The following RCOR3 variants were observed in gnomAD, a reference collection of about 807,000 sequenced individuals.
The protein encoded by RCOR3 is REST corepressor 3.
RCOR3 carries 13 observed loss-of-function variants against 64.1 expected under a neutral mutation model. The ratio of observed to expected loss-of-function variants is 0.20; its 90% confidence interval spans 0.13 to 0.32. RCOR3 has a LOEUF of 0.32. Ranked by LOEUF, RCOR3 falls within the 10% of genes least tolerant of loss-of-function variation. RCOR3 has a pLI of 1.00. For missense variants in RCOR3, 489 were observed against 701.2 expected (o/e 0.70, Z 3.42); for synonymous variants, 215 against 239.0 (o/e 0.90, Z 0.93).
intron 1 of RCOR3, 156 bp from the exon 2 acceptor site, chr1:211,259,946 CAATCCG>C: frequency 7.3e-7 from 1 of 1,375,020 alleles, no homozygotes; most frequent in Non-Finnish European, 9.4e-7. Flanking sequence ...TCCCCGCCCC[CAATCCG>C]CTGCCATCTC....
Position 211,276,375 on chromosome 1 carries a change from C to A in RCOR3, c.473C>A (p.Ala158Asp), listed in dbSNP as rs144354541. Residue 158 changes from alanine (A) to aspartate (D), a missense_variant, in exon 5 of 12, where the codon GCC (alanine) becomes GAC (aspartate). By Grantham distance (126) the Ala-to-Asp change is moderately radical. Transcript: ENST00000419091. ...GAAGATAAAGTCCTATTTGAACAAGCCTTTAGTTTTCATGGAAAGAGCTTT... is the reference window on the plus strand; with the variant it reads ...GAAGATAAAGTCCTATTTGAACAAGACTTTAGTTTTCATGGAAAGAGCTTT... Reference protein sequence around the residue: ...TVEDKVLFEQAFSFHGKSFHR... With the variant: ...TVEDKVLFEQDFSFHGKSFHR... 1.2e-6 allele frequency: 2 copies of A among 1,613,354 alleles called. No homozygotes were observed. Among genetic ancestry groups the A allele is most frequent in the Non-Finnish European group, 1.7e-6 (2 of 1,179,558 alleles).
At chr1:211,259,962 C>T (rs1436970859) in intron 1 of RCOR3, 146 bp from the exon 2 acceptor site, 257 of 1,197,428 alleles carry the variant, frequency 2.1e-4, no homozygotes, top group Non-Finnish European at 2.1e-4. Context: ...GCTGCCATCT[C>T]CCGGAGTGCC....
At chr1:211,266,322 T>C (rs1289920595) in intron 2 of RCOR3, among the ~76,000 whole-genome samples, 1 of 152,176 alleles carries the variant, frequency 6.6e-6, no homozygotes, top group African/African-American at 2.4e-5. Context: ...ATTTTTAATG[T>C]CTAGATTTTT....
intron 3 of RCOR3, among the ~76,000 whole-genome samples, chr1:211,272,698 TGCAAGCTCC>T (rs1424984217): frequency 2.4e-5 from 3 of 126,838 alleles, no homozygotes; most frequent in Admixed American, 1.8e-4. Flanking sequence ...CTCGGCTCAC[TGCAAGCTCC>T]GCCTCCCGGG....
chr1:211,289,481 T>TG (rs1334559438), intron 8 of RCOR3, 85 bp downstream of exon 8: 1 of 1,117,186 alleles, frequency 9.0e-7, no homozygotes, highest in Non-Finnish European at 1.3e-6. Flanking sequence ...GCTCAGTTGT[T>TG]TGCAGATTTT....
At chr1:211,310,981 A>G (rs1444177371) in intron 10 of RCOR3, among the ~76,000 whole-genome samples, 1 of 152,204 alleles carries the variant, frequency 6.6e-6, no homozygotes, top group Non-Finnish European at 1.5e-5. Context: ...ATTAGTAGTT[A>G]TTCTTCACTG....
At chr1:211,289,780 C>T (rs1000041038) in intron 8 of RCOR3, among the ~76,000 whole-genome samples, 1 of 152,072 alleles carries the variant, frequency 6.6e-6, no homozygotes, top group African/African-American at 2.4e-5. Flanking sequence ...TTGTCTTCAT[C>T]ATCATCATCA....
chr1:211,308,491 G>C (rs1701090560), intron 10 of RCOR3, among the ~76,000 whole-genome samples: 1 of 151,974 alleles, frequency 6.6e-6, no homozygotes, highest in African/African-American at 2.4e-5. Context: ...GGAGTTTCTA[G>C]ATGTTATTGT....
In RCOR3 at chr1:211,313,666, G is replaced by A; in HGVS notation, c.1560G>A (p.Met520Ile). 2 of 1,614,132 alleles carry A rather than the reference G, an allele frequency of 1.2e-6. No homozygotes were observed. The highest frequency in any genetic ancestry group is 1.7e-6 in the Non-Finnish European group (2 of 1,180,034). Residue 520 changes from methionine (M) to isoleucine (I), a missense_variant, in exon 12 of 12, where the codon ATG (methionine) becomes ATA (isoleucine). By Grantham distance (10) the Met-to-Ile change is conservative. Transcript: ENST00000419091. The surrounding 1 kb of genome is among the most constrained non-coding windows in gnomAD (Gnocchi z 4.7). ...PPPLIRPANS[M>I]PPRLNPRPVL... ...CTCTTATTCGCCCTGCTAATTCCAT[G>A]CCACCCCGTCTAAACCCAAGACCGG... is the stretch of plus-strand genomic sequence containing the variant.
At chr1:211,275,715 AT>A (rs2102494032) in intron 4 of RCOR3, among the ~76,000 whole-genome samples, 1 of 152,308 alleles carries the variant, frequency 6.6e-6, no homozygotes, top group East Asian at 1.9e-4. Context: ...ATATGTTCTG[AT>A]AATAAGTAAA....
At position 211,259,377 on chromosome 1, in the gene RCOR3, G is replaced by A; in HGVS notation, c.-184G>A. ...CGGGGCCGGGGCGGGTTGTTGTGAG[G>A]CGACTGCGCTACTGCCGGAGCGGGG... On this transcript the variant is annotated 5_prime_UTR_variant, in exon 1 of 12. Coordinates refer to ENST00000419091, the MANE Select transcript of RCOR3 (RefSeq NM_001136223.3). 1 of 565,364 alleles carries A rather than the reference G, an allele frequency of 1.8e-6. No homozygotes were observed. The highest frequency in any genetic ancestry group is 3.1e-6 in the Non-Finnish European group (1 of 327,172). 35.0% of individuals were successfully genotyped at this position (565,364 alleles called of 1,614,324 possible). A position where few individuals can be genotyped will look rare whatever the true frequency, so the allele number is the denominator to read the frequency against.
At chr1:211,278,383 C>T in intron 6 of RCOR3, 142 bp downstream of exon 6, 2 of 951,158 alleles carry the variant, frequency 2.1e-6, no homozygotes, top group Non-Finnish European at 3.1e-6. Flanking sequence ...ACAAGAAGAG[C>T]CAAGTGGTTA....
At chr1:211,298,398 A>G (rs961179181) in intron 9 of RCOR3, among the ~76,000 whole-genome samples, 1 of 152,330 alleles carries the variant, frequency 6.6e-6, no homozygotes, top group Non-Finnish European at 1.5e-5. Flanking sequence ...AATAATAGCA[A>G]TGGTTTAGTG....
chr1:211,314,123 G>T lies in RCOR3; in HGVS notation c.*355G>T. 5.4e-6 allele frequency: 1 copy of T among 185,958 alleles called. No homozygotes were observed. The highest frequency in any genetic ancestry group is 5.5e-5 in the Admixed American group (1 of 18,144). The allele number at this position is 185,958 out of a possible 1,614,324, so 11.5% of individuals were successfully genotyped here. The stretch of plus-strand genomic sequence containing the variant: ...TATATTCCTGCCTCTTCATAGTCAA[G>T]GCTCTTAGTACAGGAATATTGACTT... On this transcript the variant is annotated 3_prime_UTR_variant, in exon 12 of 12. Coordinates refer to ENST00000419091, the MANE Select transcript of RCOR3 (RefSeq NM_001136223.3).
At chr1:211,289,435 TTTTGGC>T in intron 8 of RCOR3, 39 bp downstream of exon 8, 1 of 1,511,570 alleles carries the variant, frequency 6.6e-7, no homozygotes, top group Non-Finnish European at 9.0e-7. Flanking sequence ...ATTCTGTGCA[TTTTGGC>T]TATCCGCTTT....
Position 211,316,121 on chromosome 1 carries a change from T to C in RCOR3, c.*2353T>C, listed in dbSNP as rs1371340295. 1 of 152,182 alleles carries C rather than the reference T, an allele frequency of 6.6e-6. No homozygotes were observed. Among genetic ancestry groups the C allele is most frequent in the Admixed American group, 6.5e-5 (1 of 15,276 alleles). 9.4% of individuals were successfully genotyped at this position (152,182 alleles called of 1,614,324 possible). Reference sequence around the variant, plus strand: ...ATTTTTATAAAAGCAAAACTAGAAATCTTTTAATGACAATTTTCATTAATT... The same window carrying C: ...ATTTTTATAAAAGCAAAACTAGAAACCTTTTAATGACAATTTTCATTAATT... On this transcript the variant is annotated 3_prime_UTR_variant, in exon 12 of 12. Coordinates refer to ENST00000419091, the MANE Select transcript of RCOR3 (RefSeq NM_001136223.3).
At chr1:211,267,040 A>G (rs1370298037) in intron 2 of RCOR3, among the ~76,000 whole-genome samples, 1 of 152,234 alleles carries the variant, frequency 6.6e-6, no homozygotes, top group Non-Finnish European at 1.5e-5. Context: ...TTTAGGATAA[A>G]GAAGGAAGGA....
At chr1:211,280,844 C>T (rs1170386304) in intron 7 of RCOR3, among the ~76,000 whole-genome samples, 6 of 151,942 alleles carry the variant, frequency 3.9e-5, no homozygotes, top group African/African-American at 1.2e-4. Flanking sequence ...TTAGCCGGGG[C>T]GTGGTGGCAC....
chr1:211,286,559 G>A (rs1173121841), intron 7 of RCOR3, among the ~76,000 whole-genome samples: 11 of 151,956 alleles, frequency 7.2e-5, no homozygotes, highest in Admixed American at 2.0e-4. Flanking sequence ...CGCCCCCCTC[G>A]GCCTCCCAAA....
Sources: gnomAD v4.1 joint callset for allele counts (sites outside exome capture counted in the v4.1 genomes callset) on GRCh38, gnomAD v4.1.1 for gene constraint, Gnocchi (gnomAD v3.1) non-coding constraint, MANE v1.5 for transcripts, NCBI Gene and HGNC (gene_info 2026-07-23, HGNC 2026-07-21) for gene names.